KHDRBS1: variants seen among roughly 807,000 people sequenced by gnomAD.
KHDRBS1 encodes the protein KH domain-containing, RNA-binding, signal transduction-associated protein 1.
Under a neutral mutation model 48.4 loss-of-function variants are expected in KHDRBS1, and 7 were observed. The observed-to-expected ratio is 0.14, with a 90% CI of 0.08 to 0.27. The LOEUF (loss-of-function observed/expected upper bound fraction) is 0.27. Ranked by LOEUF, KHDRBS1 falls within the 10% of genes least tolerant of loss-of-function variation. The pLI is 1.00. For missense variants in KHDRBS1, 458 were observed against 601.2 expected, an observed-to-expected ratio of 0.76 and a Z score of 2.49; for synonymous variants, 241 against 235.8, an observed-to-expected ratio of 1.02 and a Z score of -0.20.
chr1:32,034,453 G>C (rs768972534), intron 4 of KHDRBS1, among the ~76,000 whole-genome samples: 43 of 152,256 alleles, frequency 2.8e-4, no homozygotes, highest in Non-Finnish European at 5.0e-4. Context: ...CCAGCTACTA[G>C]GGAGGCTGAG....
At chr1:32,038,149 G>A (rs1639220374) in intron 6 of KHDRBS1, 113 bp downstream of exon 6, 2 of 1,487,392 alleles carry the variant, frequency 1.3e-6, no homozygotes, top group Admixed American at 2.2e-5. Context: ...TGTAAGATTT[G>A]CAATCTGCCC....
chr1:32,024,817 T>G (rs1374762893), intron 1 of KHDRBS1, among the ~76,000 whole-genome samples: 1 of 152,104 alleles, frequency 6.6e-6, no homozygotes, highest in Non-Finnish European at 1.5e-5. Flanking sequence ...TATTCAGCCC[T>G]ACCTGGGTAA....
chr1:32,038,652 C>T (rs1221821934), intron 7 of KHDRBS1, 33 bp downstream of exon 7: 1 of 1,597,986 alleles, frequency 6.3e-7, no homozygotes. Context: ...TGTTTTTTGT[C>T]CTGAGGATGG....
intron 1 of KHDRBS1, 94 bp downstream of exon 1, chr1:32,014,471 C>A: frequency 1.7e-6 from 2 of 1,200,280 alleles, no homozygotes; most frequent in Non-Finnish European, 2.1e-6. Context: ...CCCCTCGGGA[C>A]CGAGGCAGTC....
At chr1:32,040,179 C>G (rs577267209) in intron 8 of KHDRBS1, among the ~76,000 whole-genome samples, 1 of 151,974 alleles carries the variant, frequency 6.6e-6, no homozygotes, top group Non-Finnish European at 1.5e-5. Flanking sequence ...TTTGCGAGGC[C>G]GAGGCAGGCG....
chr1:32,024,284 C>G (rs1638918664), intron 1 of KHDRBS1, among the ~76,000 whole-genome samples: 2 of 150,336 alleles, frequency 1.3e-5, no homozygotes, highest in African/African-American at 5.0e-5. Context: ...GCCTAAAGGC[C>G]TGAGTTTGGG....
chr1:32,038,066 C>T (rs1287061377), intron 6 of KHDRBS1, 30 bp downstream of exon 6: 7 of 1,612,184 alleles, frequency 4.3e-6, no homozygotes, highest in Non-Finnish European at 5.9e-6. Context: ...TGCCATTTCC[C>T]AGTACCTAGA....
intron 4 of KHDRBS1, among the ~76,000 whole-genome samples, chr1:32,036,177 T>A (rs1639174585): frequency 7.1e-6 from 1 of 141,188 alleles, no homozygotes; most frequent in Non-Finnish European, 1.5e-5. Context: ...TTTTTTTTTT[T>A]TTTTTTTTTT....
chr1:32,027,494 A>G (rs1248061918), intron 1 of KHDRBS1, among the ~76,000 whole-genome samples: 9 of 152,228 alleles, frequency 5.9e-5, no homozygotes, highest in African/African-American at 2.2e-4. Flanking sequence ...TGTTGAATGA[A>G]GCATTACTCT....
chr1:32,022,644 A>G (rs1638882528), intron 1 of KHDRBS1, among the ~76,000 whole-genome samples: 1 of 152,084 alleles, frequency 6.6e-6, no homozygotes, highest in Non-Finnish European at 1.5e-5. Flanking sequence ...TAATCCCAAC[A>G]CTTTGGGAGG....
intron 10 of KHDRBS1, among the ~76,000 whole-genome samples, chr1:32,050,442 A>G (rs1639404803): frequency 6.6e-6 from 1 of 152,094 alleles, no homozygotes; most frequent in Non-Finnish European, 1.5e-5. Flanking sequence ...CTATTGTCTC[A>G]TTCAAGGTCA....
Position 32,036,951 on chromosome 1 carries a change from G to A in KHDRBS1, c.813G>A (p.Leu271=). Reference sequence around the variant, plus strand: ...TCTGTCAGGAGCAATTTCTAGAGCTGTCCTACTTGAATGGAGTACCTGAAC... The same window carrying A: ...TCTGTCAGGAGCAATTTCTAGAGCTATCCTACTTGAATGGAGTACCTGAAC... ...DDICQEQFLE[L]SYLNGVPEPS... The change falls in exon 5 of 9, where the codon CTG becomes CTA. Residue 271 remains leucine, a synonymous_variant. Coordinates refer to ENST00000327300, the MANE Select transcript of KHDRBS1 (RefSeq NM_006559.3). The A allele has an allele frequency of 6.2e-7, 1 of 1,614,034 alleles. No individual in the cohort carries two copies. Among genetic ancestry groups the A allele is most frequent in the Non-Finnish European group, 8.5e-7 (1 of 1,179,976 alleles).
chr1:32,033,228 A>T lies in KHDRBS1; in HGVS notation c.665A>T (p.His222Leu). 6.2e-7 allele frequency: 1 copy of T among 1,614,110 alleles called. No individual in the cohort carries two copies. The highest frequency in any genetic ancestry group is 8.5e-7 in the Non-Finnish European group (1 of 1,179,982). Residue 222 changes from histidine (H) to leucine (L), a missense_variant, in exon 4 of 9, where the codon CAC becomes CTC. This residue lies in a region of KHDRBS1 where 74 missense variants were observed against 156.9 expected (regional missense o/e 0.47). Coordinates refer to ENST00000327300, the MANE Select transcript of KHDRBS1 (RefSeq NM_006559.3). ...AAAGGTGGAGACCCCAAATATGCCC[A>T]CTTGAATATGGATCTGCATGTCTTC... ...LRKGGDPKYA[H>L]LNMDLHVFIE...
chr1:32,036,789 C>T, intron 4 of KHDRBS1, 121 bp from the exon 5 acceptor site: 1 of 1,055,140 alleles, frequency 9.5e-7, no homozygotes, highest in Non-Finnish European at 1.4e-6. Flanking sequence ...GAAGGAATGA[C>T]CTGAGACCTC....
chr1:32,023,572 G>T (rs983490856), intron 1 of KHDRBS1, among the ~76,000 whole-genome samples: 1 of 152,182 alleles, frequency 6.6e-6, no homozygotes, highest in Admixed American at 6.5e-5. Flanking sequence ...GATATCCAAG[G>T]TCTCCAGAGA....
intron 1 of KHDRBS1, among the ~76,000 whole-genome samples, chr1:32,030,068 A>G (rs995704028): frequency 6.6e-6 from 1 of 152,136 alleles, no homozygotes; most frequent in Admixed American, 6.5e-5. Context: ...CTCTGTTGTC[A>G]TGGCTTCAGG....
intron 1 of KHDRBS1, among the ~76,000 whole-genome samples, chr1:32,015,637 T>G (rs1169695163): frequency 1.3e-5 from 2 of 152,218 alleles, no homozygotes; most frequent in Non-Finnish European, 2.9e-5. Flanking sequence ...AGAGTGCTCT[T>G]TATTTTTAAC....
At chr1:32,032,042 G>C (rs1261894000) in intron 3 of KHDRBS1, among the ~76,000 whole-genome samples, 1 of 152,216 alleles carries the variant, frequency 6.6e-6, no homozygotes, top group African/African-American at 2.4e-5. Flanking sequence ...AATAATGTGA[G>C]AGCAGATGAG....
At chr1:32,023,118 A>G (rs1638894972) in intron 1 of KHDRBS1, among the ~76,000 whole-genome samples, 1 of 152,076 alleles carries the variant, frequency 6.6e-6, no homozygotes, top group Non-Finnish European at 1.5e-5. Context: ...AATCAAACCC[A>G]CTTTGTCTAG....
Sources: allele counts gnomAD v4.1 joint callset (sites outside exome capture counted in the v4.1 genomes callset), GRCh38; gene constraint gnomAD v4.1.1; regional missense constraint gnomAD v4.1.1; transcripts MANE v1.5; gene names NCBI Gene and HGNC (gene_info 2026-07-23, HGNC 2026-07-21).